Variants in MALRD1 observed in about 807,000 individuals in gnomAD.
The protein encoded by MALRD1 is MAM and LDL receptor class A domain containing 1.
In MALRD1, 247 loss-of-function variants were observed where a neutral mutation model predicts 242.1. The ratio of observed to expected loss-of-function variants is 1.02; its 90% CI spans 0.92 to 1.13. The LOEUF (loss-of-function observed/expected upper bound fraction) is 1.13, where lower values mean the gene tolerates loss of function less well. Ranked by LOEUF, MALRD1 falls within the 50% of genes most tolerant of loss-of-function variation. The pLI, the probability that MALRD1 is intolerant of heterozygous loss-of-function variation, is 0.00. For missense variants in MALRD1, 2,989 were observed against 2,533.1 expected, an observed-to-expected ratio of 1.18 and a Z score of -3.86; for synonymous variants, 995 against 866.6, an observed-to-expected ratio of 1.15 and a Z score of -2.60.
rs150475022 is a variant in MALRD1 at position 19,061,321 on chromosome 10, G to A, written c.200-5398G>A. Among the ~76,000 whole-genome samples the A allele has an allele frequency of 1.0e-3, 159 of 152,276 alleles. 1 individual carries two copies. The highest frequency in any genetic ancestry group is 3.6e-3 in the African/African-American group (150 of 41,570). On this transcript the variant is annotated intron_variant, in intron 1 of 39. Coordinates refer to ENST00000454679, the MANE Select transcript of MALRD1 (RefSeq NM_001142308.3). ...AAAGATATTCTGTGTCCATAGATTG[G>A]AAGATTTAATATTGCTAACATTTCA...
chr10:19,654,728 T>G (rs1351566900), intron 36 of MALRD1, among the ~76,000 whole-genome samples: 1 of 152,040 alleles, frequency 6.6e-6, no homozygotes, highest in African/African-American at 2.4e-5. Flanking sequence ...AAAATACAAA[T>G]GAGACAGAAC....
At chr10:19,713,859 A>G (rs1834255367) in intron 38 of MALRD1, among the ~76,000 whole-genome samples, 1 of 152,226 alleles carries the variant, frequency 6.6e-6, no homozygotes, top group African/African-American at 2.4e-5. Context: ...AGCAAATCCA[A>G]GAGTTAAGAA....
chr10:19,427,798 G>T (rs1163984594), intron 28 of MALRD1, among the ~76,000 whole-genome samples: 4 of 152,036 alleles, frequency 2.6e-5, no homozygotes, highest in Non-Finnish European at 5.9e-5. Flanking sequence ...CTACATGAGG[G>T]CTAAAAGAGT....
intron 31 of MALRD1, among the ~76,000 whole-genome samples, chr10:19,512,415 G>A (rs900929399): frequency 2.6e-5 from 4 of 152,160 alleles, no homozygotes; most frequent in Non-Finnish European, 5.9e-5. Flanking sequence ...TTTGCCCAAG[G>A]CAATCCAGTC....
chr10:19,520,328 A>AT (rs144444944), intron 31 of MALRD1, among the ~76,000 whole-genome samples: 24 of 151,984 alleles, frequency 1.6e-4, no homozygotes, highest in African/African-American at 5.5e-4. Flanking sequence ...AAAAGCTGCA[A>AT]TTGGTATCAT....
At chr10:19,381,261 A>G (rs966464518) in intron 26 of MALRD1, among the ~76,000 whole-genome samples, 3 of 151,342 alleles carry the variant, frequency 2.0e-5, no homozygotes, top group Non-Finnish European at 4.4e-5. Flanking sequence ...ATGGCTGCAT[A>G]GTATTCCATG....
chr10:19,316,200 A>C (rs949619869), intron 21 of MALRD1, among the ~76,000 whole-genome samples: 13 of 151,778 alleles, frequency 8.6e-5, no homozygotes, highest in Admixed American at 2.6e-4. Flanking sequence ...TTCTATTAAC[A>C]CTGTGTATTT....
intron 31 of MALRD1, among the ~76,000 whole-genome samples, chr10:19,507,906 AT>A (rs987378300): frequency 1.7e-4 from 26 of 152,246 alleles, no homozygotes; most frequent in African/African-American, 5.8e-4. Flanking sequence ...ATCAGGAAAT[AT>A]TTTTTTGAAG....
chr10:19,552,905 A>G (rs1175724326), intron 32 of MALRD1, among the ~76,000 whole-genome samples: 1 of 152,118 alleles, frequency 6.6e-6, no homozygotes, highest in African/African-American at 2.4e-5. Context: ...TAACAGTTTG[A>G]TCTAAGTGTG....
At chr10:19,478,693 C>A (rs1836852549) in intron 29 of MALRD1, among the ~76,000 whole-genome samples, 1 of 152,110 alleles carries the variant, frequency 6.6e-6, no homozygotes, top group African/African-American at 2.4e-5. Context: ...GTTTGTTTAC[C>A]TTTGCTTTCT....
intron 7 of MALRD1, among the ~76,000 whole-genome samples, chr10:19,125,365 CTTT>C (rs1837244626): frequency 5.1e-5 from 6 of 117,244 alleles, no homozygotes; most frequent in East Asian, 2.5e-4. Context: ...TTCTTTCTTT[CTTT>C]CTTTCTTTCT....
chr10:19,197,642 C>G (rs1174788894), intron 14 of MALRD1, among the ~76,000 whole-genome samples: 1 of 152,166 alleles, frequency 6.6e-6, no homozygotes, highest in Admixed American at 6.6e-5. Context: ...CCTCACCTAC[C>G]TCCTTCAGCC....
chr10:19,628,167 C>G (rs1249832446), intron 36 of MALRD1, among the ~76,000 whole-genome samples: 1 of 152,026 alleles, frequency 6.6e-6, no homozygotes, highest in African/African-American at 2.4e-5. Flanking sequence ...GAAACACTGT[C>G]CCTTTTATAT....
At chr10:19,402,948 C>G (rs1015628476) in intron 28 of MALRD1, among the ~76,000 whole-genome samples, 14 of 152,022 alleles carry the variant, frequency 9.2e-5, no homozygotes, top group Admixed American at 3.9e-4. Flanking sequence ...GATGTAGGCA[C>G]AATTTAGTTT....
chr10:19,200,645 G>GTT (rs71387053), intron 14 of MALRD1, among the ~76,000 whole-genome samples: 1,071 of 69,424 alleles, frequency 0.015, 97 homozygotes, highest in Non-Finnish European at 0.018. Context: ...CCTGCTTGAG[G>GTT]TTTTTTTTTT....
intron 28 of MALRD1, among the ~76,000 whole-genome samples, chr10:19,425,406 T>G (rs1833866853): frequency 6.6e-6 from 1 of 152,204 alleles, no homozygotes; most frequent in Non-Finnish European, 1.5e-5. Flanking sequence ...TTGAATATGT[T>G]CTGGTAGAAG....
intron 9 of MALRD1, among the ~76,000 whole-genome samples, chr10:19,135,043 T>C (rs1033970003): frequency 1.3e-5 from 2 of 152,212 alleles, no homozygotes; most frequent in Non-Finnish European, 2.9e-5. Flanking sequence ...GTTTTCTTAT[T>C]GTTGGATATG....
intron 36 of MALRD1, among the ~76,000 whole-genome samples, chr10:19,673,354 T>G (rs887494023): frequency 2.0e-5 from 3 of 152,140 alleles, no homozygotes; most frequent in Admixed American, 2.0e-4. Context: ...GCCACTGCAC[T>G]CCAGCCTGGG....
intron 25 of MALRD1, 114 bp downstream of exon 25, chr10:19,348,132 A>G: frequency 2.2e-5 from 29 of 1,346,580 alleles, no homozygotes; most frequent in Admixed American, 2.8e-5. Flanking sequence ...ATGAGTTTGA[A>G]TTTATTCAAC....
Sources: allele counts gnomAD v4.1 joint callset (sites outside exome capture counted in the v4.1 genomes callset), GRCh38; gene constraint gnomAD v4.1.1; transcripts MANE v1.5; gene names NCBI Gene and HGNC (gene_info 2026-07-23, HGNC 2026-07-21).